The following TMEM212 variants were observed in gnomAD, a reference collection of about 807,000 sequenced individuals.
TMEM212 encodes the protein transmembrane protein 212.
A neutral mutation model predicts 20.5 loss-of-function variants in TMEM212; 23 were observed. The observed-to-expected ratio is 1.12, with a 90% confidence interval of 0.81 to 1.59. TMEM212 has a LOEUF of 1.59. Among genes scored for constraint, TMEM212 ranks in the 40% most tolerant of loss-of-function variants. TMEM212 has a pLI of 0.00. For synonymous variants in TMEM212, 76 were observed against 81.6 expected (o/e 0.93, Z 0.37); for missense variants, 211 against 215.0 (o/e 0.98, Z 0.12).
In TMEM212 at chr3:171,848,107, A is replaced by T. The variant is rs183377195; in HGVS notation, c.160-3875A>T. 1.5e-3 allele frequency among the ~76,000 whole-genome samples: 226 copies of T among 152,274 alleles called. 2 individuals are homozygous for T. The highest frequency in any genetic ancestry group is 1.8e-3 in the Non-Finnish European group (124 of 68,018). ...CAACTTCCCTGTCATTGTCTTGGTA[A>T]CTCAATTCCAAATACTGGAGTGATT... is the stretch of plus-strand genomic sequence containing the variant. On this transcript the variant is annotated intron_variant, in intron 1 of 4. Coordinates refer to ENST00000334567, the MANE Select transcript of TMEM212 (RefSeq NM_001164436.2).
intron 1 of TMEM212, among the ~76,000 whole-genome samples, chr3:171,847,220 T>C (rs543290880): frequency 1.3e-5 from 2 of 152,350 alleles, no homozygotes; most frequent in Non-Finnish European, 2.9e-5. Flanking sequence ...AAACATGGCT[T>C]GTAGATCAAG....
At chr3:171,850,726 C>T (rs191282245) in intron 1 of TMEM212, among the ~76,000 whole-genome samples, 4 of 152,302 alleles carry the variant, frequency 2.6e-5, no homozygotes, top group African/African-American at 9.6e-5. Flanking sequence ...CAGAATCAAG[C>T]CAGGAACCCC....
At chr3:171,854,068 C>G (rs750550002) in intron 3 of TMEM212, among the ~76,000 whole-genome samples, 4 of 152,038 alleles carry the variant, frequency 2.6e-5, no homozygotes, top group Non-Finnish European at 5.9e-5. Flanking sequence ...CCGTAGGTAG[C>G]ACCAGCCAAT....
Position 171,858,792 on chromosome 3 carries a change from T to C in TMEM212, c.*735T>C, listed in dbSNP as rs182096905. 1.2e-4 allele frequency: 18 copies of C among 152,280 alleles called. No individual in the cohort carries two copies. The East Asian group carries it at 3.3e-3, about 28-fold the overall frequency. 9.4% of individuals were successfully genotyped at this position (152,280 alleles called of 1,614,324 possible). ...TGGACACTTCTCAAAAGAAGACATT[T>C]ATGAAGCCAACAGACACACATAATC... is the stretch of plus-strand genomic sequence containing the variant. On this transcript the variant is annotated 3_prime_UTR_variant, in exon 5 of 5. Transcript: ENST00000334567.
Position 171,853,580 on chromosome 3 carries a change from T to C in TMEM212, c.273T>C (p.His91=), listed in dbSNP as rs1192470345. The C allele has an allele frequency of 6.5e-7, 1 of 1,537,202 alleles. No homozygotes were observed. The highest frequency in any genetic ancestry group is 8.7e-7 in the Non-Finnish European group (1 of 1,146,846). ...VILSIMGCPL[H]FAIALESALL... ...TGAGCATTATGGGATGTCCACTTCA[T>C]TTTGCAATAGCCTTGGAATCTGCTC... Residue 91 remains histidine, a synonymous_variant, in exon 3 of 5, where the codon CAT becomes CAC. Coordinates refer to ENST00000334567, the MANE Select transcript of TMEM212 (RefSeq NM_001164436.2).
At chr3:171,854,711 C>T (rs2108382314) in intron 3 of TMEM212, among the ~76,000 whole-genome samples, 1 of 152,268 alleles carries the variant, frequency 6.6e-6, no homozygotes, top group African/African-American at 2.4e-5. Flanking sequence ...AAGAACAAAG[C>T]TGGAGACATC....
intron 1 of TMEM212, among the ~76,000 whole-genome samples, chr3:171,850,922 T>C (rs1352725619): frequency 6.6e-6 from 1 of 152,036 alleles, no homozygotes; most frequent in Non-Finnish European, 1.5e-5. Flanking sequence ...GCCAGGAAAA[T>C]GAAAAAGCTA....
chr3:171,844,016 T>C (rs1466998385), intron 1 of TMEM212, among the ~76,000 whole-genome samples: 2 of 152,222 alleles, frequency 1.3e-5, no homozygotes, highest in East Asian at 1.9e-4. Flanking sequence ...TCCACCTTTC[T>C]CTTGCAAGCA....
intron 1 of TMEM212, among the ~76,000 whole-genome samples, chr3:171,845,185 A>G (rs1471437862): frequency 6.6e-6 from 1 of 152,214 alleles, no homozygotes; most frequent in Non-Finnish European, 1.5e-5. Context: ...GTGGCTTCCA[A>G]ACTTTTTTTT....
At chr3:171,851,859 T>C (rs1032674160) in intron 1 of TMEM212, 123 bp from the exon 2 acceptor site, 7 of 846,404 alleles carry the variant, frequency 8.3e-6, no homozygotes, top group East Asian at 5.4e-5. Flanking sequence ...GAGCCATAAA[T>C]CCACTGAGTC....
Position 171,848,429 on chromosome 3 carries a change from C to A in TMEM212, c.160-3553C>A, listed in dbSNP as rs80220058. Among the ~76,000 whole-genome samples the A allele has an allele frequency of 4.6e-3, 695 of 152,268 alleles. 6 individuals carry two copies. The highest frequency in any genetic ancestry group is 0.016 in the African/African-American group (656 of 41,522). ...CCTTCCTTTTCCATCTCACTCTATA[C>A]CCCCTTACCACTTGCCATCACTTCT... On this transcript the variant is annotated intron_variant, in intron 1 of 4. Coordinates refer to ENST00000334567, the MANE Select transcript of TMEM212 (RefSeq NM_001164436.2).
intron 1 of TMEM212, among the ~76,000 whole-genome samples, chr3:171,845,649 T>C (rs1724813808): frequency 6.6e-6 from 1 of 152,194 alleles, no homozygotes; most frequent in Non-Finnish European, 1.5e-5. Flanking sequence ...AATTGGTAAC[T>C]GTTTGATTTC....
intron 1 of TMEM212, among the ~76,000 whole-genome samples, chr3:171,848,580 G>GAATAGAATAGAATAGAATAGAATAGA (rs1724891141): frequency 6.9e-4 from 100 of 144,632 alleles, no homozygotes; most frequent in Middle Eastern, 3.5e-3. Context: ...AATAGAATAG[G>GAATAGAATAGAATAGAATAGAATAGA]ATAGAATAGA....
intron 3 of TMEM212, 140 bp downstream of exon 3, chr3:171,853,990 A>G (rs1416325787): frequency 1.5e-6 from 1 of 655,762 alleles, no homozygotes; most frequent in African/African-American, 1.8e-5. Context: ...CTGGCACATA[A>G]TAGGTACTGA....
chr3:171,852,866 A>G (rs938695829), intron 2 of TMEM212, among the ~76,000 whole-genome samples: 5 of 152,256 alleles, frequency 3.3e-5, no homozygotes, highest in Admixed American at 6.5e-5. Flanking sequence ...TAAATCAACT[A>G]GAGATCTGGT....
chr3:171,852,085 G>C (rs1724989701), intron 2 of TMEM212, 44 bp downstream of exon 2: 2 of 1,427,612 alleles, frequency 1.4e-6, no homozygotes, highest in Non-Finnish European at 1.9e-6. Flanking sequence ...AGGCTTTGAA[G>C]GTCAAATCAC....
intron 2 of TMEM212, among the ~76,000 whole-genome samples, chr3:171,852,930 T>C (rs1725018406): frequency 6.6e-6 from 1 of 152,220 alleles, no homozygotes; most frequent in African/African-American, 2.4e-5. Flanking sequence ...ATTCTGCATG[T>C]CTGCCAAGCT....
chr3:171,853,809 A>G lies in TMEM212; in HGVS notation c.502A>G (p.Ile168Val). The G allele has an allele frequency of 1.3e-6, 2 of 1,536,908 alleles. No individual in the cohort carries two copies. The change falls in exon 3 of 5, where the codon ATC becomes GTC. Residue 168 changes from isoleucine (I) to valine (V), a missense_variant. Physicochemically the swap from Ile to Val is conservative, Grantham distance 29 (BLOSUM62 3). Transcript: ENST00000334567. The stretch of plus-strand genomic sequence containing the variant: ...ACTCTGTACATCCTTGACAGTGTTC[A>G]TCAAACTTTCTGCAAGACTTATCCA... ...TLLCTSLTVF[I>V]KLSARLIQNG...
intron 3 of TMEM212, among the ~76,000 whole-genome samples, chr3:171,854,067 G>C (rs1012498129): frequency 6.6e-6 from 1 of 152,080 alleles, no homozygotes; most frequent in African/African-American, 2.4e-5. Context: ...GCCGTAGGTA[G>C]CACCAGCCAA....
Sources: gnomAD v4.1 joint callset for allele counts (sites outside exome capture counted in the v4.1 genomes callset) on GRCh38, gnomAD v4.1.1 for gene constraint, MANE v1.5 for transcripts, NCBI Gene and HGNC (gene_info 2026-07-23, HGNC 2026-07-21) for gene names.